The following SF3A3 variants were observed in gnomAD, a reference collection of about 807,000 sequenced individuals.
SF3A3 encodes the protein splicing factor 3a subunit 3, also known as SAP 61.
Under a neutral mutation model 85.8 loss-of-function variants are expected in SF3A3, and 9 were observed. The observed-to-expected ratio is 0.10, with a 90% CI of 0.06 to 0.18. The LOEUF (loss-of-function observed/expected upper bound fraction) is 0.18, where lower values mean the gene tolerates loss of function less well. Ranked by LOEUF, SF3A3 falls within the 10% of genes least tolerant of loss-of-function variation. SF3A3 has a pLI of 1.00. For synonymous variants in SF3A3, 195 were observed against 204.4 expected (o/e 0.95, Z 0.39); for missense variants, 306 against 593.3 (o/e 0.52, Z 5.03).
rs1417335694 is a variant in SF3A3, at chr1:37,976,879, C to T, written c.1005+5G>A. On this transcript the variant is annotated splice_donor_5th_base_variant and intron_variant, in intron 12 of 16. Coordinates refer to ENST00000373019, the MANE Select transcript of SF3A3 (RefSeq NM_006802.4). ...ATTTTCCACTTTCAGCAGTCAGTCA[C>T]TTACCCCGAGAATCTCTACATATTC... is the stretch of plus-strand genomic sequence containing the variant. The T allele has an allele frequency of 6.4e-7, 1 of 1,569,652 alleles. No individual in the cohort carries two copies. The highest frequency in any genetic ancestry group is 8.8e-7 in the Non-Finnish European group (1 of 1,139,764).
rs771382137 is a variant in SF3A3, at chr1:37,987,627, T to G, written c.249A>C (p.Glu83Asp). ...NAISGPNEFAEFYNRLKQIKE... is the reference protein window; with the variant it reads ...NAISGPNEFADFYNRLKQIKE... ...TTATTTGCTTGAGTCTATTATAGAA[T>G]TCAGCAAACTCATTGGGTCCTGAAA... The change falls in exon 4 of 17, where the codon GAA becomes GAC. Residue 83 changes from glutamate to aspartate, a missense_variant. By Grantham distance (45) the Glu-to-Asp change is conservative. Transcript: ENST00000373019. 3 of 1,614,182 alleles carry G rather than the reference T, an allele frequency of 1.9e-6. No individual in the cohort carries two copies. The Admixed American group carries it at 5.0e-5, about 27-fold the overall frequency.
At chr1:37,975,546 C>G (rs1646373373) in intron 12 of SF3A3, among the ~76,000 whole-genome samples, 1 of 151,360 alleles carries the variant, frequency 6.6e-6, no homozygotes, top group Admixed American at 6.6e-5. Flanking sequence ...AAGTGGTGGA[C>G]AAATCTCATG....
At chr1:37,969,303 G>A in intron 14 of SF3A3, 51 bp downstream of exon 14, 1 of 1,352,396 alleles carries the variant, frequency 7.4e-7, no homozygotes. Context: ...TTCTCTAAAA[G>A]TCTCATGTTT....
intron 11 of SF3A3, among the ~76,000 whole-genome samples, chr1:37,977,310 T>A (rs76939109): frequency 0.013 from 1,912 of 152,224 alleles, 19 homozygotes; most frequent in Non-Finnish European, 0.018. Flanking sequence ...TATGAGAGAG[T>A]GGACACATTC....
intron 15 of SF3A3, among the ~76,000 whole-genome samples, chr1:37,964,802 CTG>C (rs1429724517): frequency 2.0e-5 from 3 of 152,198 alleles, no homozygotes; most frequent in African/African-American, 7.2e-5. Context: ...TATTTTGCTG[CTG>C]TGTTTCTATA....
intron 1 of SF3A3, 69 bp downstream of exon 1, chr1:37,989,801 G>C (rs1646482885): frequency 1.5e-6 from 2 of 1,364,920 alleles, no homozygotes; most frequent in African/African-American, 1.4e-5. Context: ...GCCAAAGCAA[G>C]CTCTCAGAGG....
rs1646325805 is a variant in SF3A3 at position 37,969,749 on chromosome 1, A to G, written c.1006-14T>C. Reference sequence around the variant, plus strand: ...ATGTCGCTGTTCCTAAAGCAGGTCCATAAATGAAAAGTCAGAAAAAAGTAG... The same window carrying G: ...ATGTCGCTGTTCCTAAAGCAGGTCCGTAAATGAAAAGTCAGAAAAAAGTAG... On this transcript the variant is annotated splice_polypyrimidine_tract_variant and intron_variant, in intron 12 of 16. Coordinates refer to ENST00000373019, the MANE Select transcript of SF3A3 (RefSeq NM_006802.4). 2 of 1,608,686 alleles carry G rather than the reference A, an allele frequency of 1.2e-6. No homozygotes were observed. Among genetic ancestry groups the G allele is most frequent in the Non-Finnish European group, 1.7e-6 (2 of 1,176,438 alleles).
rs1276142671 is a variant in SF3A3, at chr1:37,987,565, G to C, written c.303+8C>G. On this transcript the variant is annotated splice_region_variant and intron_variant, in intron 4 of 16. Coordinates refer to ENST00000373019, the MANE Select transcript of SF3A3 (RefSeq NM_006802.4). ...AGGTCTGGAGAAAATACTTTTCTGA[G>C]GACATACCTCATTTGGGTGCTTCCG... The C allele has an allele frequency of 6.3e-7, 1 of 1,592,614 alleles. No individual in the cohort carries two copies. Among genetic ancestry groups the C allele is most frequent in the South Asian group, 1.1e-5 (1 of 90,656 alleles).
At chr1:37,984,842 C>T in intron 4 of SF3A3, 63 bp from the exon 5 acceptor site, 1 of 1,358,074 alleles carries the variant, frequency 7.4e-7, no homozygotes, top group Non-Finnish European at 1.1e-6. Flanking sequence ...GATTCTCACT[C>T]TGTGGCCCAG....
intron 7 of SF3A3, among the ~76,000 whole-genome samples, 188 bp downstream of exon 7, chr1:37,981,540 AC>A (rs531446609): frequency 9.6e-4 from 146 of 152,276 alleles, no homozygotes; most frequent in Admixed American, 1.9e-3. Flanking sequence ...CCACAGACAC[AC>A]CTTTGTCCAC....
rs141376149 is a variant in SF3A3, at chr1:37,989,665, G to A, written c.97-70C>T. The A allele has an allele frequency of 6.9e-5, 107 of 1,558,342 alleles. 1 individual carries two copies. In the African/African-American group the frequency reaches 1.0e-3, roughly 15 times the overall value. The stretch of plus-strand genomic sequence containing the variant: ...GGAGTAGAAAAGGCCGCCCGAGGGC[G>A]GAGCTTACCCGCTCAGCTTTTACCA... On this transcript the variant is annotated intron_variant, in intron 1 of 16. Transcript: ENST00000373019.
chr1:37,985,968 T>G (rs943081836), intron 4 of SF3A3, among the ~76,000 whole-genome samples: 3 of 149,590 alleles, frequency 2.0e-5, no homozygotes, highest in Non-Finnish European at 4.4e-5. Context: ...TTTTTTTTTT[T>G]GACGGAGTCT....
Position 37,978,786 on chromosome 1 carries a change from C to T in SF3A3, c.869G>A (p.Gly290Glu). 11 of 1,573,778 alleles carry T rather than the reference C, an allele frequency of 7.0e-6. No individual in the cohort carries two copies. The highest frequency in any genetic ancestry group is 8.6e-6 in the Non-Finnish European group (10 of 1,157,916). ...ERAQRLFSTK[G>E]KSLESLDTSL... ...GGTATCAAGTGACTCCAGGGACTTTCCTTTGGTACTGAATAGTCTCTGGGC... is the reference window on the plus strand; with the variant it reads ...GGTATCAAGTGACTCCAGGGACTTTTCTTTGGTACTGAATAGTCTCTGGGC... The change falls in exon 11 of 17, where the codon GGA becomes GAA. Residue 290 changes from glycine to glutamate, a missense_variant. Gly to Glu is a moderately conservative substitution (Grantham distance 98). Coordinates refer to ENST00000373019, the MANE Select transcript of SF3A3 (RefSeq NM_006802.4).
At chr1:37,968,222 A>C in intron 14 of SF3A3, 88 bp from the exon 15 acceptor site, 1 of 798,340 alleles carries the variant, frequency 1.3e-6, no homozygotes, top group Middle Eastern at 2.3e-4. Flanking sequence ...AAATCCTAAC[A>C]TGGCCCTTTG....
At position 37,966,242 on chromosome 1, in the gene SF3A3, A is replaced by T. The variant is rs539642680; in HGVS notation, c.1372+1802T>A. Among the ~76,000 whole-genome samples, 176 of 58,678 alleles carry T rather than the reference A, an allele frequency of 3.0e-3. 3 individuals carry two copies. The highest frequency in any genetic ancestry group is 5.6e-3 in the African/African-American group (128 of 22,876). 38.5% of individuals were successfully genotyped at this position (58,678 alleles called of 152,430 possible). ...ATAAATTAATTAATTAAATTAAATT[A>T]AAAAAAAAGAAGAAAAGAAAAGGCT... On this transcript the variant is annotated intron_variant, in intron 15 of 16. Transcript: ENST00000373019.
At chr1:37,972,249 C>A (rs1646349628) in intron 12 of SF3A3, among the ~76,000 whole-genome samples, 1 of 152,142 alleles carries the variant, frequency 6.6e-6, no homozygotes, top group African/African-American at 2.4e-5. Flanking sequence ...GTGAACTCCC[C>A]TTCACAATTC....
Position 37,956,997 on chromosome 1 carries a change from T to TA in SF3A3, c.*1188dup, listed in dbSNP as rs1235288058. ...ACATTTTTTTAAAAAGTAGATTTAT[T>TA]AAAAAACAGTTGAAGGTCTGAGTGT... On this transcript the variant is annotated 3_prime_UTR_variant, in exon 17 of 17. Transcript: ENST00000373019. The TA allele has an allele frequency of 6.6e-6, 1 of 152,148 alleles. No individual in the cohort carries two copies. Among genetic ancestry groups the TA allele is most frequent in the Non-Finnish European group, 1.5e-5 (1 of 68,036 alleles). 9.4% of individuals were successfully genotyped at this position (152,148 alleles called of 1,614,324 possible).
rs183341802 is a variant in SF3A3 at position 37,988,106 on chromosome 1, C to T, written c.145-270G>A. Among the ~76,000 whole-genome samples the T allele has an allele frequency of 2.0e-5, 3 of 152,232 alleles. No homozygotes were observed. The East Asian group carries it at 5.8e-4, about 29-fold the overall frequency. ...AAATGATACATTTAAGGGGTGGCTC[C>T]TATCTTTACATACCACCGATGCCTA... is the stretch of plus-strand genomic sequence containing the variant. On this transcript the variant is annotated intron_variant, in intron 2 of 16. Transcript: ENST00000373019.
In SF3A3 at chr1:37,989,980, G is replaced by A. The variant is rs772094210; in HGVS notation, c.-15C>T. The A allele has an allele frequency of 1.9e-5, 30 of 1,598,306 alleles. No individual in the cohort carries two copies. Among genetic ancestry groups the A allele is most frequent in the Non-Finnish European group, 2.5e-5 (29 of 1,171,066 alleles). On this transcript the variant is annotated 5_prime_UTR_variant, in exon 1 of 17. Transcript: ENST00000373019. Reference sequence around the variant, plus strand: ...ATTGTCTCCATCTTCCCTTAGTCGCGGCTTCTCAATTCAGACCACCAACAC... The same window carrying A: ...ATTGTCTCCATCTTCCCTTAGTCGCAGCTTCTCAATTCAGACCACCAACAC...
Sources: allele counts gnomAD v4.1 joint callset (sites outside exome capture counted in the v4.1 genomes callset), GRCh38; gene constraint gnomAD v4.1.1; transcripts MANE v1.5; gene names NCBI Gene and HGNC (gene_info 2026-07-23, HGNC 2026-07-21).